Variants in SLC35D2 observed in about 807,000 individuals in gnomAD.
SLC35D2 encodes the protein solute carrier family 35 member D2.
Under a neutral mutation model 41.8 loss-of-function variants are expected in SLC35D2, and 43 were observed. That is an observed-to-expected ratio of 1.03 (90% confidence interval 0.81 to 1.33). SLC35D2 has a LOEUF of 1.33. SLC35D2 is among the 40% of genes most tolerant of loss of function. The probability of loss-of-function intolerance (pLI) is 0.00; values close to 1 mark genes in which losing one functional copy is unlikely to be tolerated. For missense variants in SLC35D2, 380 were observed against 408.4 expected (o/e 0.93, Z 0.60); for synonymous variants, 150 against 163.9 (o/e 0.92, Z 0.65).
Position 96,333,071 on chromosome 9 carries a change from G to T in SLC35D2, c.752+3646C>A, listed in dbSNP as rs1052860511. Among the ~76,000 whole-genome samples, 77 of 150,326 alleles carry T rather than the reference G, an allele frequency of 5.1e-4. 1 individual carries two copies. The highest frequency in any genetic ancestry group is 2.5e-4 in the Non-Finnish European group (17 of 67,536). On this transcript the variant is annotated intron_variant, in intron 9 of 11. Transcript: ENST00000253270. Reference sequence around the variant, plus strand: ...ATGCCACCAGGCCCAGCTAATTTTTGTATTTTTAGTAGAGATGGGGTTTCA... The same window carrying T: ...ATGCCACCAGGCCCAGCTAATTTTTTTATTTTTAGTAGAGATGGGGTTTCA...
chr9:96,316,935 G>A (rs923154169), downstream of SLC35D2, among the ~76,000 whole-genome samples: 8 of 151,916 alleles, frequency 5.3e-5, no homozygotes, highest in Non-Finnish European at 1.0e-4. Context: ...TCAGGAGATC[G>A]AGACCATCCT....
At chr9:96,324,986 G>A (rs1226469033) in intron 9 of SLC35D2, among the ~76,000 whole-genome samples, 1 of 152,222 alleles carries the variant, frequency 6.6e-6, no homozygotes, top group Non-Finnish European at 1.5e-5. Context: ...CCAGAGCAGA[G>A]GACCTCTGGT....
chr9:96,334,883 G>GA (rs1447473531), intron 9 of SLC35D2, among the ~76,000 whole-genome samples: 1 of 152,080 alleles, frequency 6.6e-6, no homozygotes, highest in Non-Finnish European at 1.5e-5. Context: ...ATACGTTTGG[G>GA]AAAAAACTGT....
chr9:96,336,866 G>T, intron 8 of SLC35D2, 82 bp from the exon 9 acceptor site: 1 of 808,358 alleles, frequency 1.2e-6, no homozygotes, highest in Non-Finnish European at 2.0e-6. Context: ...ACTGCATTTT[G>T]ATACAGGAAC....
intron 9 of SLC35D2, among the ~76,000 whole-genome samples, chr9:96,326,792 C>T (rs1032080838): frequency 1.5e-5 from 2 of 134,518 alleles, no homozygotes; most frequent in African/African-American, 2.9e-5. Context: ...GGCAACAGAG[C>T]GAGACTCTGT....
intron 9 of SLC35D2, among the ~76,000 whole-genome samples, chr9:96,325,696 C>T (rs982324401): frequency 1.3e-5 from 2 of 152,000 alleles, no homozygotes; most frequent in Admixed American, 6.6e-5. Context: ...TTAATTAGTC[C>T]CAGGTTAAAG....
chr9:96,357,632 G>A (rs1830081595), intron 4 of SLC35D2: 1 of 152,136 alleles, frequency 6.6e-6, no homozygotes, highest in African/African-American at 2.4e-5. Context: ...ATTCTTAGAA[G>A]AAAGTATAGA....
In SLC35D2 at chr9:96,383,601, C is replaced by T; in HGVS notation, c.34G>A (p.Ala12Thr). ...TAGGQAEAEG[A>T]GGEPGAARLP... ...CGCGCCGCGCCGGGCTCCCCGCCAG[C>T]GCCCTCGGCCTCGGCCTGGCCGCCG... is the stretch of plus-strand genomic sequence containing the variant. The change falls in exon 1 of 12, where the codon GCT (alanine) becomes ACT (threonine). Residue 12 changes from alanine to threonine, a missense_variant. Physicochemically the swap from Ala to Thr is moderately conservative, Grantham distance 58. Coordinates refer to ENST00000253270, the MANE Select transcript of SLC35D2 (RefSeq NM_007001.3). 1 of 1,357,514 alleles carries T rather than the reference C, an allele frequency of 7.4e-7. No homozygotes were observed. Among genetic ancestry groups the T allele is most frequent in the Non-Finnish European group, 9.5e-7 (1 of 1,055,222 alleles). The allele number at this position is 1,357,514 out of a possible 1,614,324, so 84.1% of individuals were successfully genotyped here.
downstream of SLC35D2, among the ~76,000 whole-genome samples, chr9:96,316,033 A>G (rs1340355308): frequency 6.6e-6 from 1 of 152,246 alleles, no homozygotes; most frequent in African/African-American, 2.4e-5. Context: ...TCTATTGGTA[A>G]CAAAGTTACA....
chr9:96,337,968 C>T (rs80024379), intron 8 of SLC35D2, among the ~76,000 whole-genome samples: 25,439 of 93,590 alleles, frequency 0.27, 2,825 homozygotes, highest in African/African-American at 0.42. Context: ...GTAACAAAAG[C>T]AAAACTCCAC....
rs1034037289 is a variant in SLC35D2, at chr9:96,360,336, A to G, written c.280-115T>C. On this transcript the variant is annotated intron_variant, in intron 3 of 11. Coordinates refer to ENST00000253270, the MANE Select transcript of SLC35D2 (RefSeq NM_007001.3). ...AGAGAGGATCTTCAAACAGGCATTA[A>G]AAAAATGATTTTGGCGGGGCGCAGT... 93 of 868,526 alleles carry G rather than the reference A, an allele frequency of 1.1e-4. 3 individuals carry two copies. The South Asian group carries it at 1.4e-3, about 13-fold the overall frequency. 53.8% of individuals were successfully genotyped at this position (868,526 alleles called of 1,614,324 possible).
At chr9:96,370,143 C>G (rs1830620616) in intron 1 of SLC35D2, among the ~76,000 whole-genome samples, 2 of 152,062 alleles carry the variant, frequency 1.3e-5, no homozygotes, top group Non-Finnish European at 2.9e-5. Context: ...ACGGCTACAC[C>G]CCTGCCCCAA....
chr9:96,343,835 T>A lies in SLC35D2; in HGVS notation c.684+69A>T, dbSNP rs575052223. ...ACTTTACACTTTTTGTTTCAGTGCA[T>A]ATCAAATGTTAAATATTAAATTTTT... is the stretch of plus-strand genomic sequence containing the variant. On this transcript the variant is annotated intron_variant, in intron 8 of 11. Coordinates refer to ENST00000253270, the MANE Select transcript of SLC35D2 (RefSeq NM_007001.3). 7.1e-6 allele frequency: 7 copies of A among 985,166 alleles called. No homozygotes were observed. In the East Asian group the frequency reaches 1.9e-4, roughly 27 times the overall value. 61.0% of individuals were successfully genotyped at this position (985,166 alleles called of 1,614,324 possible). A position where few individuals can be genotyped will look rare whatever the true frequency, so the allele number is the denominator to read the frequency against.
downstream of SLC35D2, among the ~76,000 whole-genome samples, chr9:96,318,555 G>A (rs911810759): frequency 6.6e-6 from 1 of 152,080 alleles, no homozygotes; most frequent in Non-Finnish European, 1.5e-5. Flanking sequence ...ATTTGATTAA[G>A]AAATGGGCAA....
chr9:96,321,246 C>G lies in SLC35D2; in HGVS notation c.1010G>C (p.Ser337Thr), dbSNP rs760875462. 5.6e-6 allele frequency: 9 copies of G among 1,611,738 alleles called. No individual in the cohort carries two copies. The highest frequency in any genetic ancestry group is 2.7e-5 in the African/African-American group (2 of 74,890). ...GEENICLDLK[S>T] is the part of the protein sequence containing the mutation. ...TCCAATCCTGCTGCAGACTCTTTAG[C>G]TCTTCAAATCCAAACAGATGTTTTC... Residue 337 changes from serine (S) to threonine (T), a missense_variant, in exon 12 of 12, where the codon AGC (serine) becomes ACC (threonine). Ser to Thr is a moderately conservative substitution (Grantham distance 58). Transcript: ENST00000253270.
At chr9:96,378,226 G>C (rs1831037051) in intron 1 of SLC35D2, among the ~76,000 whole-genome samples, 1 of 150,752 alleles carries the variant, frequency 6.6e-6, no homozygotes, top group East Asian at 1.9e-4. Context: ...TTGAGCCCAA[G>C]AGTTCGAGAC....
At position 96,343,925 on chromosome 9, in the gene SLC35D2, G is replaced by A. The variant is rs1301591226; in HGVS notation, c.663C>T (p.Val221=). The change falls in exon 8 of 12, where the codon GTC becomes GTT. Residue 221 remains valine, a synonymous_variant. Transcript: ENST00000253270. ...FMIIPTLIIS[V]STGDLQQATE... ...TCACCTGTTGCAGGTCTCCAGTGGA[G>A]ACACTAATAATAAGAGTTGGGATAA... is the stretch of plus-strand genomic sequence containing the variant. The A allele has an allele frequency of 1.3e-6, 2 of 1,585,674 alleles. No homozygotes were observed. The highest frequency in any genetic ancestry group is 2.7e-5 in the African/African-American group (2 of 73,106).
At chr9:96,327,631 T>A (rs1828602700) in intron 9 of SLC35D2, among the ~76,000 whole-genome samples, 2 of 151,828 alleles carry the variant, frequency 1.3e-5, no homozygotes, top group Admixed American at 1.3e-4. Context: ...TTTCTTTTTT[T>A]TTTTTTTAAA....
intron 4 of SLC35D2, among the ~76,000 whole-genome samples, chr9:96,356,821 G>A (rs765566461): frequency 1.1e-4 from 17 of 152,178 alleles, no homozygotes; most frequent in Non-Finnish European, 2.1e-4. Context: ...GCTGCAGTGA[G>A]TGGTGACTGT....
Sources: allele counts gnomAD v4.1 joint callset (sites outside exome capture counted in the v4.1 genomes callset), GRCh38; gene constraint gnomAD v4.1.1; transcripts MANE v1.5; gene names NCBI Gene and HGNC (gene_info 2026-07-23, HGNC 2026-07-21).